The following P3H2 variants were observed in gnomAD, a reference collection of about 807,000 sequenced individuals.
P3H2 encodes leprecan-like 1.
In P3H2, 80 loss-of-function variants were observed where a neutral mutation model predicts 87.0. That is an observed-to-expected ratio of 0.92 (90% CI 0.77 to 1.11). The LOEUF is 1.11. Among genes scored for constraint, P3H2 ranks in the 50% least tolerant of loss-of-function variants. The probability of loss-of-function intolerance (pLI) is 0.00; values close to 1 mark genes in which losing one functional copy is unlikely to be tolerated. For synonymous variants in P3H2, 367 were observed against 359.3 expected, an observed-to-expected ratio of 1.02 and a Z score of -0.24; for missense variants, 1,001 against 923.9, an observed-to-expected ratio of 1.08 and a Z score of -1.08.
At position 189,984,596 on chromosome 3, in the gene P3H2, T is replaced by C; in HGVS notation, c.1189-6A>G. The C allele has an allele frequency of 6.5e-7, 1 of 1,540,220 alleles. No homozygotes were observed. The highest frequency in any genetic ancestry group is 8.7e-7 in the Non-Finnish European group (1 of 1,146,574). ...CCATATCTGATCCAATAATTCTGTT[T>C]TGAATCGAGTAAAAAAAAAAATGCA... On this transcript the variant is annotated splice_region_variant and splice_polypyrimidine_tract_variant and intron_variant, in intron 6 of 14. Transcript: ENST00000319332.
intron 1 of P3H2, among the ~76,000 whole-genome samples, chr3:190,087,501 A>G (rs1007254519): frequency 2.3e-4 from 33 of 142,186 alleles, no homozygotes; most frequent in Middle Eastern, 3.9e-3. Flanking sequence ...CCGAGATCAC[A>G]CCACTGCACT....
rs73053165 is a variant in P3H2, at chr3:190,062,278, T to A, written c.480+57974A>T. Among the ~76,000 whole-genome samples, 1,440 of 152,222 alleles carry A rather than the reference T, an allele frequency of 9.5e-3. 15 individuals carry two copies. The highest frequency in any genetic ancestry group is 0.03 in the African/African-American group (1,247 of 41,560). The stretch of plus-strand genomic sequence containing the variant: ...CCCCTGTATCCATGGATCCTTATAA[T>A]TACCTGTCTTTTGGCATCTCCTAAT... On this transcript the variant is annotated intron_variant, in intron 1 of 14. Coordinates refer to ENST00000319332, the MANE Select transcript of P3H2 (RefSeq NM_018192.4).
At chr3:190,039,550 CAT>C (rs951560463) in intron 1 of P3H2, among the ~76,000 whole-genome samples, 24 of 152,240 alleles carry the variant, frequency 1.6e-4, no homozygotes, top group African/African-American at 5.1e-4. Context: ...TATTTAAAAA[CAT>C]GTGTTAAGCC....
chr3:189,974,928 G>T (rs1047830803), intron 8 of P3H2, among the ~76,000 whole-genome samples: 1 of 152,154 alleles, frequency 6.6e-6, no homozygotes, highest in Non-Finnish European at 1.5e-5. Flanking sequence ...TTTTGGGAGA[G>T]ATAGAACTAC....
At chr3:190,095,887 C>G (rs975348724) in intron 1 of P3H2, among the ~76,000 whole-genome samples, 16 of 152,246 alleles carry the variant, frequency 1.1e-4, no homozygotes, top group Admixed American at 8.5e-4. Flanking sequence ...CAGGCTTGAG[C>G]CACCGCGCCC....
chr3:190,054,620 A>G (rs982910043), intron 1 of P3H2, among the ~76,000 whole-genome samples: 4 of 152,094 alleles, frequency 2.6e-5, no homozygotes, highest in African/African-American at 2.4e-5. Context: ...TCATTTATCT[A>G]TGGAGAGTCC....
intron 1 of P3H2, among the ~76,000 whole-genome samples, chr3:190,011,623 G>A (rs917925830): frequency 6.6e-6 from 1 of 152,158 alleles, no homozygotes; most frequent in African/African-American, 2.4e-5. Flanking sequence ...GCACCCGACA[G>A]AAAGAGCTGC....
At chr3:190,102,543 T>C (rs924768138) in intron 1 of P3H2, among the ~76,000 whole-genome samples, 12 of 152,188 alleles carry the variant, frequency 7.9e-5, no homozygotes, top group Non-Finnish European at 1.8e-4. Context: ...GAGATGTTAG[T>C]TAATTACTGA....
rs575951272 is a variant in P3H2 at position 189,993,443 on chromosome 3, G to A, written c.823+651C>T. Among the ~76,000 whole-genome samples, 7 of 150,256 alleles carry A rather than the reference G, an allele frequency of 4.7e-5. No individual in the cohort carries two copies. The South Asian group carries it at 1.5e-3, about 32-fold the overall frequency. On this transcript the variant is annotated intron_variant, in intron 3 of 14. Transcript: ENST00000319332. ...GTTATTACAAATACAATTTATTTTT[G>A]TGTAAGGCATACAGCAGAGACCCCA...
chr3:189,970,843 G>T lies in P3H2; in HGVS notation c.1866C>A (p.Phe622Leu). Residue 622 changes from phenylalanine to leucine, a missense_variant, in exon 13 of 15, where the codon TTC becomes TTA. By Grantham distance (22) the Phe-to-Leu change is conservative (BLOSUM62 0). Transcript: ENST00000319332. ...NDDFEGGEFI[F>L]TEMDAKTVTA... The stretch of plus-strand genomic sequence containing the variant: ...TCACAGTCTTAGCATCCATCTCTGT[G>T]AATATGAATTCTCCTCCTTCAAAGT... 6.3e-7 allele frequency: 1 copy of T among 1,590,592 alleles called. No homozygotes were observed. The highest frequency in any genetic ancestry group is 8.6e-7 in the Non-Finnish European group (1 of 1,158,746).
At chr3:190,072,322 C>T (rs745496576) in intron 1 of P3H2, among the ~76,000 whole-genome samples, 29 of 152,000 alleles carry the variant, frequency 1.9e-4, no homozygotes, top group Non-Finnish European at 3.2e-4. Context: ...CCACCATGCC[C>T]GGTCAAGATG....
intron 1 of P3H2, among the ~76,000 whole-genome samples, chr3:190,050,747 TCA>T (rs1219120952): frequency 1.3e-5 from 2 of 152,188 alleles, no homozygotes; most frequent in African/African-American, 4.8e-5. Context: ...TCATCTTTTC[TCA>T]GTTACCTTCT....
chr3:189,990,620 G>A (rs1005354016), intron 3 of P3H2, among the ~76,000 whole-genome samples: 2 of 152,090 alleles, frequency 1.3e-5, no homozygotes, highest in Admixed American at 6.6e-5. Context: ...TATTTTTCCC[G>A]AACTGTTAAT....
At position 190,120,606 on chromosome 3, in the gene P3H2, C is replaced by T. The variant is rs775441432; in HGVS notation, c.126G>A (p.Gln42=). ...RELELEPGPL[Q]PFDLLYASGA... is the part of the protein sequence containing the mutation. ...CGCTGGCGTAGAGCAGGTCGAAGGG[C>T]TGCAGAGGCCCGGGCTCCAGCTCCA... The change falls in exon 1 of 15, where the codon CAG becomes CAA. Residue 42 remains glutamine, a synonymous_variant. Coordinates refer to ENST00000319332, the MANE Select transcript of P3H2 (RefSeq NM_018192.4). 36 of 1,545,422 alleles carry T rather than the reference C, an allele frequency of 2.3e-5. No individual in the cohort carries two copies. Among genetic ancestry groups the T allele is most frequent in the Non-Finnish European group, 2.9e-5 (33 of 1,155,404 alleles).
At chr3:190,015,687 A>G (rs914921946) in intron 1 of P3H2, among the ~76,000 whole-genome samples, 1 of 144,116 alleles carries the variant, frequency 6.9e-6, no homozygotes, top group South Asian at 2.2e-4. Context: ...TTATCTCAGC[A>G]TCATTGCACT....
chr3:190,049,809 T>C (rs538735370), intron 1 of P3H2, among the ~76,000 whole-genome samples: 1 of 152,296 alleles, frequency 6.6e-6, no homozygotes, highest in East Asian at 1.9e-4. Flanking sequence ...CTCCTTTAAG[T>C]GCATTTCCCA....
rs545476272 is a variant in P3H2 at position 189,992,975 on chromosome 3, A to G, written c.823+1119T>C. On this transcript the variant is annotated intron_variant, in intron 3 of 14. Transcript: ENST00000319332. Reference sequence around the variant, plus strand: ...TTATCGTATAAATCTGTACTTATAAATCTTAGGTAAAGTTTAACTTGTTCT... The same window carrying G: ...TTATCGTATAAATCTGTACTTATAAGTCTTAGGTAAAGTTTAACTTGTTCT... Among the ~76,000 whole-genome samples, 5 of 152,268 alleles carry G rather than the reference A, an allele frequency of 3.3e-5. 1 individual carries two copies. Among genetic ancestry groups the G allele is most frequent in the African/African-American group, 1.2e-4 (5 of 41,554 alleles).
chr3:189,974,565 A>G lies in P3H2; in HGVS notation c.1445T>C (p.Val482Ala). ...CCTTCTCCGGATCCTCACACTGGCC[A>G]CGCTGTGGAGCTCCCGGCACTGTTC... ...SEEQCRELHS[V>A]ASGIMLVGDG... The change falls in exon 9 of 15, where the codon GTG (valine) becomes GCG (alanine). Residue 482 changes from valine to alanine, a missense_variant. Transcript: ENST00000319332. 3.1e-6 allele frequency: 5 copies of G among 1,613,814 alleles called. No individual in the cohort carries two copies. Among genetic ancestry groups the G allele is most frequent in the Non-Finnish European group, 3.4e-6 (4 of 1,180,016 alleles).
rs1364960438 is a variant in P3H2, at chr3:190,036,503, A to T, written c.481-41061T>A. 1.6e-4 allele frequency among the ~76,000 whole-genome samples: 6 copies of T among 37,856 alleles called. No homozygotes were observed. The East Asian group carries it at 5.9e-3, about 37-fold the overall frequency. 24.8% of individuals were successfully genotyped at this position (37,856 alleles called of 152,430 possible). A position where few individuals can be genotyped will look rare whatever the true frequency, so the allele number is the denominator to read the frequency against. Reference sequence around the variant, plus strand: ...TAGTCGACATGATAATTTCATTCTTAACGTAATCTTGTGAGATTATTATTT... The same window carrying T: ...TAGTCGACATGATAATTTCATTCTTTACGTAATCTTGTGAGATTATTATTT... On this transcript the variant is annotated intron_variant, in intron 1 of 14. Transcript: ENST00000319332.
Sources: gnomAD v4.1 joint callset for allele counts (sites outside exome capture counted in the v4.1 genomes callset) on GRCh38, gnomAD v4.1.1 for gene constraint, MANE v1.5 for transcripts, NCBI Gene and HGNC (gene_info 2026-07-23, HGNC 2026-07-21) for gene names.